Variants in SIGLEC9 observed in about 807,000 individuals in gnomAD.
The protein encoded by SIGLEC9 is sialic acid-binding Ig-like lectin 9.
A neutral mutation model predicts 38.3 loss-of-function variants in SIGLEC9; 26 were observed. That is an observed-to-expected ratio of 0.68 (90% CI 0.50 to 0.94). The LOEUF is 0.94. SIGLEC9 is among the 40% of genes least tolerant of loss of function. The pLI, the probability that SIGLEC9 is intolerant of heterozygous loss-of-function variation, is 0.00. For missense variants in SIGLEC9, 556 were observed against 585.7 expected (o/e 0.95, Z 0.52); for synonymous variants, 236 against 248.0 (o/e 0.95, Z 0.45).
upstream of SIGLEC9, among the ~76,000 whole-genome samples, chr19:51,121,106 A>G (rs907340208): frequency 6.6e-6 from 1 of 151,804 alleles, no homozygotes; most frequent in African/African-American, 2.4e-5. Flanking sequence ...CGGCCTCCCA[A>G]AGTGTTGGGA....
In SIGLEC9 at chr19:51,125,076, C is replaced by T; in HGVS notation, c.102C>T (p.Gly34=). 2 of 1,614,074 alleles carry T rather than the reference C, an allele frequency of 1.2e-6. No individual in the cohort carries two copies. Among genetic ancestry groups the T allele is most frequent in the South Asian group, 1.1e-5 (1 of 91,084 alleles). The stretch of plus-strand genomic sequence containing the variant: ...AGAGTTCCGTGACGGTGCAGGAAGG[C>T]CTGTGTGTCCATGTGCCCTGCTCCT... The part of the protein sequence containing the change: ...TMQSSVTVQE[G]LCVHVPCSFS... Residue 34 remains glycine (G), a synonymous_variant, in exon 1 of 7, where the codon GGC becomes GGT. Transcript: ENST00000250360.
At position 51,130,189 on chromosome 19, in the gene SIGLEC9, T is replaced by A; in HGVS notation, c.*110T>A. On this transcript the variant is annotated 3_prime_UTR_variant, in exon 7 of 7. Coordinates refer to ENST00000250360, the MANE Select transcript of SIGLEC9 (RefSeq NM_014441.3). ...CAGCCCTCAACGTGATGAGCTATGA[T>A]AACACTATGAATTATGTGCAGAGTG... 6.8e-7 allele frequency: 1 copy of A among 1,464,736 alleles called. No homozygotes were observed. The highest frequency in any genetic ancestry group is 2.7e-5 in the Admixed American group (1 of 37,380). 90.7% of individuals were successfully genotyped at this position (1,464,736 alleles called of 1,614,324 possible).
chr19:51,127,888 G>A (rs992832527), intron 4 of SIGLEC9, 61 bp from the exon 5 acceptor site: 1 of 963,962 alleles, frequency 1.0e-6, no homozygotes, highest in Non-Finnish European at 1.7e-6. Context: ...ACAGGAAGTG[G>A]GAGGAGAAGA....
rs1371706153 is a variant in SIGLEC9, at chr19:51,124,999, C to T, written c.25C>T (p.Leu9Phe). 6.2e-7 allele frequency: 1 copy of T among 1,609,752 alleles called. No individual in the cohort carries two copies. The highest frequency in any genetic ancestry group is 8.5e-7 in the Non-Finnish European group (1 of 1,177,496). Residue 9 changes from leucine to phenylalanine, a missense_variant, in exon 1 of 7, where the codon CTC becomes TTC. By Grantham distance (22) the Leu-to-Phe change is conservative (BLOSUM62 0). Coordinates refer to ENST00000250360, the MANE Select transcript of SIGLEC9 (RefSeq NM_014441.3). MLLLLLPL[L>F]WGRERAEGQT... ...CATGCTGCTGCTGCTGCTGCCCCTG[C>T]TCTGGGGGAGGGAGAGGGCGGAAGG...
At position 51,127,106 on chromosome 19, in the gene SIGLEC9, T is replaced by C. The variant is rs1482586887; in HGVS notation, c.825T>C (p.Asp275=). The change falls in exon 4 of 7, where the codon GAT becomes GAC. Residue 275 remains aspartate, a synonymous_variant. Coordinates refer to ENST00000250360, the MANE Select transcript of SIGLEC9 (RefSeq NM_014441.3). The part of the protein sequence containing the change: ...GQSLRLVCAV[D]AVDSNPPARL... The stretch of plus-strand genomic sequence containing the variant: ...CTCTGCGCCTGGTCTGTGCAGTTGA[T>C]GCAGTTGACAGCAATCCCCCTGCCA... 1 of 1,614,250 alleles carries C rather than the reference T, an allele frequency of 6.2e-7. No individual in the cohort carries two copies. The highest frequency in any genetic ancestry group is 8.5e-7 in the Non-Finnish European group (1 of 1,180,038).
At chr19:51,122,248 G>C (rs1031819817), upstream of SIGLEC9, among the ~76,000 whole-genome samples, 4 of 152,144 alleles carry the variant, frequency 2.6e-5, no homozygotes, top group Admixed American at 2.0e-4. The surrounding 1 kb of genome is among the most constrained non-coding windows in gnomAD (Gnocchi z 4.1). Context: ...TTCCCTCCAG[G>C]GTCTGTCAGC....
At position 51,130,004 on chromosome 19, in the gene SIGLEC9, G is replaced by C. The variant is rs760470824; in HGVS notation, c.1317G>C (p.Gln439His). The part of the protein sequence containing the change: ...GELQYASLSF[Q>H]MVKPWDSRGQ... The stretch of plus-strand genomic sequence containing the variant: ...TCCAGTATGCATCCCTCAGCTTCCA[G>C]ATGGTGAAGCCTTGGGACTCGCGGG... Residue 439 changes from glutamine (Q) to histidine (H), a missense_variant, in exon 7 of 7, where the codon CAG becomes CAC. Transcript: ENST00000250360. 1.2e-6 allele frequency: 2 copies of C among 1,614,108 alleles called. No homozygotes were observed.
intron 5 of SIGLEC9, 61 bp downstream of exon 5, chr19:51,128,100 T>C (rs1599818704): frequency 1.4e-6 from 2 of 1,392,378 alleles, no homozygotes; most frequent in East Asian, 2.3e-5. Flanking sequence ...GGCTGGAAGC[T>C]GGATCCCTGA....
upstream of SIGLEC9, among the ~76,000 whole-genome samples, chr19:51,121,316 C>T (rs894925801): frequency 1.3e-5 from 2 of 151,190 alleles, no homozygotes; most frequent in East Asian, 2.0e-4. Context: ...CCACCATGCC[C>T]GGCTCACCCT....
At chr19:51,120,898 T>C (rs927651578), upstream of SIGLEC9, 3 of 151,436 alleles carry the variant, frequency 2.0e-5, no homozygotes, top group Non-Finnish European at 2.9e-5. The surrounding 1 kb of genome is among the most constrained non-coding windows in gnomAD (Gnocchi z 4.1). Context: ...CAGGCTTGAG[T>C]GCAGTGGCGC....
intron 6 of SIGLEC9, chr19:51,135,855 A>G (rs2092038675): frequency 3.3e-6 from 2 of 611,364 alleles, no homozygotes; most frequent in Admixed American, 5.5e-5. Context: ...TCTCAGCTTA[A>G]TCTATTCTGA....
At chr19:51,128,079 G>A (rs1410879811) in intron 5 of SIGLEC9, 40 bp downstream of exon 5, 2 of 1,503,082 alleles carry the variant, frequency 1.3e-6, no homozygotes, top group Non-Finnish European at 9.2e-7. Flanking sequence ...GGAGAGCCCT[G>A]GGGGAGGACA....
upstream of SIGLEC9, among the ~76,000 whole-genome samples, chr19:51,124,587 G>A (rs549318251): frequency 2.0e-5 from 3 of 152,234 alleles, no homozygotes; most frequent in Non-Finnish European, 2.9e-5. Flanking sequence ...TCTGAGCTAC[G>A]CAGATATCCA....
Position 51,125,520 on chromosome 19 carries a change from G to A in SIGLEC9, c.422-77G>A, listed in dbSNP as rs928055699. 1.9e-6 allele frequency: 3 copies of A among 1,575,918 alleles called. No individual in the cohort carries two copies. In the African/African-American group the frequency reaches 4.1e-5, roughly 21 times the overall value. ...AGCGAGTTGGCTCAGGGCAGGAGCT[G>A]GACCAGAGCCTGAGCTCCCCCCAGG... On this transcript the variant is annotated intron_variant, in intron 1 of 6. Transcript: ENST00000250360.
At chr19:51,124,195 C>T (rs73604374), upstream of SIGLEC9, among the ~76,000 whole-genome samples, 8,497 of 152,274 alleles carry the variant, frequency 0.056, 789 homozygotes, top group African/African-American at 0.19. Flanking sequence ...CACAGTACAA[C>T]AGTCACAGCC....
chr19:51,129,171 G>GTTGTTTTTTTTTTTTTTTTT (rs1555796366), intron 6 of SIGLEC9, among the ~76,000 whole-genome samples: 4 of 138,990 alleles, frequency 2.9e-5, no homozygotes, highest in African/African-American at 1.2e-4. Context: ...TGTTGTTGTT[G>GTTGTTTTTTTTTTTTTTTTT]TTTTTGAGAC....
At chr19:51,125,926 C>T (rs770063129) in intron 2 of SIGLEC9, 51 bp downstream of exon 2, 2 of 1,609,810 alleles carry the variant, frequency 1.2e-6, no homozygotes, top group South Asian at 2.2e-5. Flanking sequence ...AGCGTCAAGC[C>T]TGGACACTGG....
Position 51,126,078 on chromosome 19 carries a change from C to T in SIGLEC9, c.701-3C>T. ...TGCGGGTCTCCATGTCTTTCTGTCC[C>T]AGACCCGCCTCAGAACTTGACCATG... On this transcript the variant is annotated splice_polypyrimidine_tract_variant and splice_region_variant and intron_variant, in intron 2 of 6. Coordinates refer to ENST00000250360, the MANE Select transcript of SIGLEC9 (RefSeq NM_014441.3). The T allele has an allele frequency of 6.2e-7, 1 of 1,614,020 alleles. No homozygotes were observed. The highest frequency in any genetic ancestry group is 8.5e-7 in the Non-Finnish European group (1 of 1,179,932).
chr19:51,128,438 G>A lies in SIGLEC9; in HGVS notation c.1131G>A (p.Ser377=), dbSNP rs199851364. Reference sequence around the variant, plus strand: ...GAGTGAGGTCCTGCAGGAAGAAATCGGCAAGGCCAGCAGCGGGCGTGGGAG... The same window carrying A: ...GAGTGAGGTCCTGCAGGAAGAAATCAGCAAGGCCAGCAGCGGGCGTGGGAG... ...FVVVRSCRKK[S]ARPAAGVGDT... Residue 377 remains serine, a synonymous_variant, in exon 6 of 7, where the codon TCG becomes TCA. Transcript: ENST00000250360. 1.1e-5 allele frequency: 17 copies of A among 1,614,104 alleles called. No homozygotes were observed. In the Middle Eastern group the frequency reaches 5.0e-4, roughly 47 times the overall value.
Sources: gnomAD v4.1 joint callset for allele counts (sites outside exome capture counted in the v4.1 genomes callset) on GRCh38, gnomAD v4.1.1 for gene constraint, Gnocchi (gnomAD v3.1) non-coding constraint, MANE v1.5 for transcripts, NCBI Gene and HGNC (gene_info 2026-07-23, HGNC 2026-07-21) for gene names.